The following PSMB1 variants were observed in gnomAD, a reference collection of about 807,000 sequenced individuals.
The protein encoded by PSMB1 is proteasome subunit beta type-1.
In PSMB1, 7 loss-of-function variants were observed where a neutral mutation model predicts 25.4. The ratio of observed to expected loss-of-function variants is 0.28; its 90% CI spans 0.16 to 0.52. The LOEUF is 0.52. Ranked by LOEUF, PSMB1 falls within the 20% of genes least tolerant of loss-of-function variation. The pLI is 0.97. For missense variants in PSMB1, 284 were observed against 302.2 expected, an observed-to-expected ratio of 0.94 and a Z score of 0.45; for synonymous variants, 119 against 115.0, an observed-to-expected ratio of 1.03 and a Z score of -0.22.
At position 170,549,030 on chromosome 6, in the gene PSMB1, C is replaced by T. The variant is rs1303286485; in HGVS notation, c.197G>A (p.Arg66Gln). ...CAATTTGTAACATTTGGGGCTATCC[C>T]GCGTATGAATTGAAAACCCTTCACT... ...RLSEGFSIHT[R>Q]DSPKCYKLTD... The change falls in exon 2 of 6, where the codon CGG (arginine) becomes CAG (glutamine). Residue 66 changes from arginine (R) to glutamine (Q), a missense_variant. Coordinates refer to ENST00000262193, the MANE Select transcript of PSMB1 (RefSeq NM_002793.4). The T allele has an allele frequency of 9.9e-6, 16 of 1,611,760 alleles. No homozygotes were observed. The highest frequency in any genetic ancestry group is 1.3e-5 in the African/African-American group (1 of 74,814).
At position 170,552,717 on chromosome 6, in the gene PSMB1, C is replaced by A. The variant is rs571149976; in HGVS notation, c.113+413G>T. Among the ~76,000 whole-genome samples, 10 of 152,358 alleles carry A rather than the reference C, an allele frequency of 6.6e-5. No individual in the cohort carries two copies. In the East Asian group the frequency reaches 1.9e-3, roughly 29 times the overall value. Reference sequence around the variant, plus strand: ...AACCCTAACTTTTAAGTTTCAGACGCTAACCCTCTACCCTCGCCGGCTGGC... The same window carrying A: ...AACCCTAACTTTTAAGTTTCAGACGATAACCCTCTACCCTCGCCGGCTGGC... On this transcript the variant is annotated intron_variant, in intron 1 of 5. Transcript: ENST00000262193.
At chr6:170,537,886 T>C (rs1778714095) in intron 4 of PSMB1, among the ~76,000 whole-genome samples, 1 of 152,172 alleles carries the variant, frequency 6.6e-6, no homozygotes, top group Non-Finnish European at 1.5e-5. Flanking sequence ...AAAGTCTTTA[T>C]TTCTTGGCTC....
At chr6:170,541,659 T>C (rs1778760267) in intron 4 of PSMB1, among the ~76,000 whole-genome samples, 1 of 152,182 alleles carries the variant, frequency 6.6e-6, no homozygotes, top group Non-Finnish European at 1.5e-5. Context: ...CAAATTCCTC[T>C]ATAAAATAAA....
chr6:170,549,924 T>TG (rs1264139183), intron 1 of PSMB1: 1 of 152,212 alleles, frequency 6.6e-6, no homozygotes, highest in Non-Finnish European at 1.5e-5. Context: ...ACTAAGCACC[T>TG]GGGCTCTGGA....
chr6:170,553,046 G>C, intron 1 of PSMB1, 84 bp downstream of exon 1: 2 of 1,216,756 alleles, frequency 1.6e-6, no homozygotes, highest in Non-Finnish European at 2.3e-6. Flanking sequence ...CCGGGGCAGC[G>C]CCATCACGGC....
intron 5 of PSMB1, 96 bp from the exon 6 acceptor site, chr6:170,535,501 T>C: frequency 9.2e-7 from 1 of 1,089,060 alleles, no homozygotes; most frequent in East Asian, 2.6e-5. Flanking sequence ...TACGAGGATT[T>C]GTGATGAAAA....
intron 1 of PSMB1, among the ~76,000 whole-genome samples, chr6:170,552,734 C>T (rs978811205): frequency 3.3e-5 from 5 of 152,234 alleles, no homozygotes; most frequent in African/African-American, 1.2e-4. Context: ...TCTACCCTCG[C>T]CGGCTGGCAT....
intron 4 of PSMB1, among the ~76,000 whole-genome samples, chr6:170,540,293 G>C (rs867827534): frequency 1.3e-5 from 2 of 152,102 alleles, no homozygotes; most frequent in African/African-American, 2.4e-5. Context: ...TGGACTTAGG[G>C]GACCAGGCTC....
rs1778674783 is a variant in PSMB1, at chr6:170,535,192, GAA to G, written c.*26_*27del. On this transcript the variant is annotated 3_prime_UTR_variant, in exon 6 of 6. Coordinates refer to ENST00000262193, the MANE Select transcript of PSMB1 (RefSeq NM_002793.4). ...CCAAAGTACAAAATCAACCAGGTCTGAACTGATTGGTGATAAGAGCACACAGA... is the reference window on the plus strand; with the variant it reads ...CCAAAGTACAAAATCAACCAGGTCTGCTGATTGGTGATAAGAGCACACAGA... 6.2e-7 allele frequency: 1 copy of G among 1,607,040 alleles called. No individual in the cohort carries two copies. The highest frequency in any genetic ancestry group is 1.3e-5 in the African/African-American group (1 of 74,890).
In PSMB1 at chr6:170,553,244, G is replaced by A. The variant is rs754026068; in HGVS notation, c.-2C>T. 27 of 1,603,580 alleles carry A rather than the reference G, an allele frequency of 1.7e-5. No individual in the cohort carries two copies. In the East Asian group the frequency reaches 5.6e-4, roughly 33 times the overall value. On this transcript the variant is annotated 5_prime_UTR_variant, in exon 1 of 6. Coordinates refer to ENST00000262193, the MANE Select transcript of PSMB1 (RefSeq NM_002793.4). Reference sequence around the variant, plus strand: ...ATACATGGCTGTAGAGGACAACATCGCACGGCTGCGCCTGCGGATCCGACA... The same window carrying A: ...ATACATGGCTGTAGAGGACAACATCACACGGCTGCGCCTGCGGATCCGACA...
At chr6:170,542,773 G>C (rs1225720670) in intron 4 of PSMB1, among the ~76,000 whole-genome samples, 2 of 152,134 alleles carry the variant, frequency 1.3e-5, no homozygotes, top group Non-Finnish European at 2.9e-5. Context: ...GGCAACTTCA[G>C]CCACAGGTTC....
chr6:170,541,653 T>C (rs909018171), intron 4 of PSMB1, among the ~76,000 whole-genome samples: 2 of 152,184 alleles, frequency 1.3e-5, no homozygotes, highest in Non-Finnish European at 1.5e-5. Flanking sequence ...TTCACACAAA[T>C]TCCTCTATAA....
chr6:170,551,102 G>A (rs192948093), intron 1 of PSMB1, among the ~76,000 whole-genome samples: 1 of 152,044 alleles, frequency 6.6e-6, no homozygotes, highest in Non-Finnish European at 1.5e-5. Flanking sequence ...AGATCGCACC[G>A]CTGCACTCCG....
chr6:170,550,160 A>T (rs1235127887), intron 1 of PSMB1: 1 of 152,232 alleles, frequency 6.6e-6, no homozygotes, highest in Non-Finnish European at 1.5e-5. Flanking sequence ...CACTCAGGAA[A>T]CTTAAGCCAC....
chr6:170,551,622 C>T (rs778012226), intron 1 of PSMB1, among the ~76,000 whole-genome samples: 19 of 152,116 alleles, frequency 1.2e-4, no homozygotes, highest in Non-Finnish European at 2.5e-4. Flanking sequence ...AATAGCCTTA[C>T]GAAACGGGTC....
chr6:170,536,160 T>A (rs1778689223), intron 5 of PSMB1: 2 of 316,942 alleles, frequency 6.3e-6, no homozygotes, highest in South Asian at 5.2e-5. Flanking sequence ...GTAAACACAC[T>A]GAGAAGTTTT....
intron 1 of PSMB1, chr6:170,549,535 T>A (rs1445917781): frequency 6.4e-6 from 1 of 155,068 alleles, no homozygotes; most frequent in African/African-American, 2.4e-5. Context: ...TTTCTTTATA[T>A]CCAAGTCCTT....
At position 170,546,020 on chromosome 6, in the gene PSMB1, C is replaced by G; in HGVS notation, c.303+83G>C. On this transcript the variant is annotated intron_variant, in intron 3 of 5. Coordinates refer to ENST00000262193, the MANE Select transcript of PSMB1 (RefSeq NM_002793.4). ...ACCTAGTGACTCTCTAGCTATCTGA[C>G]CAACAGTCATGCTGTAGGCTTAAAA... is the stretch of plus-strand genomic sequence containing the variant. 3 of 1,210,010 alleles carry G rather than the reference C, an allele frequency of 2.5e-6. No individual in the cohort carries two copies. The Admixed American group carries it at 6.2e-5, about 25-fold the overall frequency. 75.0% of individuals were successfully genotyped at this position (1,210,010 alleles called of 1,614,324 possible).
In PSMB1 at chr6:170,535,386, T is replaced by C; in HGVS notation, c.560A>G (p.Gln187Arg). Residue 187 changes from glutamine to arginine, a missense_variant, in exon 6 of 6, where the codon CAG becomes CGG. Gln to Arg is a conservative substitution (Grantham distance 43). Coordinates refer to ENST00000262193, the MANE Select transcript of PSMB1 (RefSeq NM_002793.4). ...GGACAGCGGAACATGCTCCACATTCTGCATGTTCTTAAAACCAACCTGGTG... is the reference window on the plus strand; with the variant it reads ...GGACAGCGGAACATGCTCCACATTCCGCATGTTCTTAAAACCAACCTGGTG... ...LDNQVGFKNM[Q>R]NVEHVPLSLD... is the part of the protein sequence containing the mutation. 1 of 1,613,446 alleles carries C rather than the reference T, an allele frequency of 6.2e-7. No individual in the cohort carries two copies.
Sources: gnomAD v4.1 joint callset for allele counts (sites outside exome capture counted in the v4.1 genomes callset) on GRCh38, gnomAD v4.1.1 for gene constraint, MANE v1.5 for transcripts, NCBI Gene and HGNC (gene_info 2026-07-23, HGNC 2026-07-21) for gene names.